The following CDK14 variants were observed in gnomAD, a reference collection of about 807,000 sequenced individuals.
CDK14 encodes the protein cyclin dependent kinase 14, also known as cyclin-dependent kinase 14.
A neutral mutation model predicts 60.7 loss-of-function variants in CDK14; 34 were observed. The ratio of observed to expected loss-of-function variants is 0.56; its 90% CI spans 0.43 to 0.75. CDK14 has a LOEUF of 0.75. CDK14 is among the 30% of genes least tolerant of loss of function. The probability of loss-of-function intolerance (pLI) is 0.00; values close to 1 mark genes in which losing one functional copy is unlikely to be tolerated. For synonymous variants in CDK14, 197 were observed against 203.7 expected (o/e 0.97, Z 0.28); for missense variants, 482 against 564.1 (o/e 0.85, Z 1.47).
intron 6 of CDK14, among the ~76,000 whole-genome samples, chr7:90,874,356 C>A (rs1791477854): frequency 6.6e-6 from 1 of 152,014 alleles, no homozygotes; most frequent in South Asian, 2.1e-4. Context: ...AAGATTGCTC[C>A]ATTTTTCAGT....
intron 2 of CDK14, among the ~76,000 whole-genome samples, chr7:90,625,003 A>G (rs1799847173): frequency 6.6e-6 from 1 of 152,196 alleles, no homozygotes; most frequent in Non-Finnish European, 1.5e-5. Context: ...ATAGGATCAC[A>G]ACAGTTTCAA....
intron 2 of CDK14, among the ~76,000 whole-genome samples, chr7:90,706,790 G>A (rs1335249691): frequency 6.6e-6 from 1 of 152,184 alleles, no homozygotes; most frequent in Non-Finnish European, 1.5e-5. Flanking sequence ...AGTTGGATGA[G>A]TGTTGTGCTC....
At chr7:91,009,352 T>C (rs1231144297) in intron 10 of CDK14, among the ~76,000 whole-genome samples, 6 of 152,204 alleles carry the variant, frequency 3.9e-5, no homozygotes, top group African/African-American at 1.4e-4. Flanking sequence ...TGTAAAATTC[T>C]TTATGGGACA....
chr7:91,085,582 C>T (rs1303939242), intron 12 of CDK14, among the ~76,000 whole-genome samples: 1 of 152,088 alleles, frequency 6.6e-6, no homozygotes. Context: ...AACAGGTGGA[C>T]ATCTTTGGGG....
intron 14 of CDK14, among the ~76,000 whole-genome samples, chr7:91,184,231 T>C (rs2115897729): frequency 5.5e-5 from 1 of 18,304 alleles, no homozygotes; most frequent in South Asian, 1.2e-3. Flanking sequence ...AAAAATTAGC[T>C]GATTGCGCCA....
intron 10 of CDK14, among the ~76,000 whole-genome samples, chr7:90,992,590 T>C (rs1182116449): frequency 1.3e-5 from 2 of 152,192 alleles, no homozygotes; most frequent in Non-Finnish European, 1.5e-5. Flanking sequence ...ACATACCATG[T>C]TCTGGGGAGT....
intron 14 of CDK14, among the ~76,000 whole-genome samples, chr7:91,198,596 A>T (rs375752159): frequency 1.3e-5 from 2 of 152,238 alleles, no homozygotes; most frequent in Non-Finnish European, 2.9e-5. Flanking sequence ...TCAAAATAAC[A>T]TTGGAAAGAA....
In CDK14 at chr7:90,638,287, T is replaced by A. The variant is rs539405041; in HGVS notation, c.123+34038T>A. ...CTGGTACTGGTTGTGCCTTTCCATG[T>A]TTTGTGCTTCCTTCGGGAGCTCTTT... On this transcript the variant is annotated intron_variant, in intron 2 of 14. Transcript: ENST00000380050. Among the ~76,000 whole-genome samples, 13 of 152,362 alleles carry A rather than the reference T, an allele frequency of 8.5e-5. No individual in the cohort carries two copies. The South Asian group carries it at 2.5e-3, about 29-fold the overall frequency.
chr7:91,041,674 G>A (rs141552565), intron 10 of CDK14, among the ~76,000 whole-genome samples: 4 of 152,208 alleles, frequency 2.6e-5, no homozygotes, highest in East Asian at 3.9e-4. Context: ...GAAAAGTGCC[G>A]ATGTCAACTC....
At chr7:90,615,555 T>C (rs1440615579) in intron 2 of CDK14, among the ~76,000 whole-genome samples, 1 of 152,206 alleles carries the variant, frequency 6.6e-6, no homozygotes, top group East Asian at 1.9e-4. Context: ...TATATTGAAG[T>C]CAGTCTTTCA....
At chr7:90,817,828 GGATCTGGA>G (rs1002373745) in intron 5 of CDK14, among the ~76,000 whole-genome samples, 1 of 152,168 alleles carries the variant, frequency 6.6e-6, no homozygotes, top group African/African-American at 2.4e-5. Flanking sequence ...AGGTTGATTT[GGATCTGGA>G]GTAGCTCTTC....
chr7:90,746,979 A>G (rs1803618233), intron 3 of CDK14, among the ~76,000 whole-genome samples: 1 of 152,204 alleles, frequency 6.6e-6, no homozygotes, highest in Non-Finnish European at 1.5e-5. Flanking sequence ...ATGATTTACA[A>G]TGGGATACAG....
At chr7:90,772,412 G>C (rs893403482) in intron 4 of CDK14, among the ~76,000 whole-genome samples, 4 of 152,190 alleles carry the variant, frequency 2.6e-5, no homozygotes, top group African/African-American at 9.7e-5. Flanking sequence ...GATATGGTTT[G>C]GCTGTGTGTT....
At chr7:90,719,003 G>A (rs1273029211) in intron 2 of CDK14, among the ~76,000 whole-genome samples, 1 of 152,086 alleles carries the variant, frequency 6.6e-6, no homozygotes, top group Admixed American at 6.6e-5. Flanking sequence ...GTAGTACTAC[G>A]ATTTAAGTGC....
At chr7:90,834,234 A>G (rs1053242182) in intron 5 of CDK14, among the ~76,000 whole-genome samples, 1 of 152,216 alleles carries the variant, frequency 6.6e-6, no homozygotes, top group African/African-American at 2.4e-5. Flanking sequence ...CAATTACTAC[A>G]TTTTCCTACA....
chr7:90,703,037 A>G (rs1459053485), intron 2 of CDK14, among the ~76,000 whole-genome samples: 1 of 145,862 alleles, frequency 6.9e-6, no homozygotes, highest in Non-Finnish European at 1.5e-5. Context: ...TTTCCTTTTC[A>G]GAGTTTATTC....
At chr7:91,204,946 A>G (rs1348393717) in intron 14 of CDK14, among the ~76,000 whole-genome samples, 2 of 136,508 alleles carry the variant, frequency 1.5e-5, no homozygotes, top group Non-Finnish European at 3.2e-5. Flanking sequence ...AGACCCAGTC[A>G]AAAAAAAAAA....
Position 91,181,239 on chromosome 7 carries a change from CCTTT to C in CDK14, c.*29-25918_*29-25915del, listed in dbSNP as rs1415823166. On this transcript the variant is annotated intron_variant, in intron 14 of 14. Transcript: ENST00000380050. ...TTTTCTCTCCCTTTCCCTCTATTCA[CCTTT>C]CTTTCTTCATAAAATTTTGTGGAAG... Among the ~76,000 whole-genome samples, 4 of 152,252 alleles carry C rather than the reference CCTTT, an allele frequency of 2.6e-5. No individual in the cohort carries two copies. In the East Asian group the frequency reaches 5.8e-4, roughly 22 times the overall value.
intron 8 of CDK14, among the ~76,000 whole-genome samples, chr7:90,919,491 A>G (rs1349838484): frequency 6.6e-6 from 1 of 152,106 alleles, no homozygotes; most frequent in Non-Finnish European, 1.5e-5. Flanking sequence ...AATTTAGATG[A>G]TTTTTTTAGA....
Sources: gnomAD v4.1 joint callset for allele counts (sites outside exome capture counted in the v4.1 genomes callset) on GRCh38, gnomAD v4.1.1 for gene constraint, MANE v1.5 for transcripts, NCBI Gene and HGNC (gene_info 2026-07-23, HGNC 2026-07-21) for gene names.